RBFOX1: variants seen among roughly 807,000 people sequenced by gnomAD.
The protein encoded by RBFOX1 is RNA binding fox-1 homolog 1, also known as RNA binding protein fox-1 homolog 1.
RBFOX1 carries 8 observed loss-of-function variants against 57.7 expected under a neutral mutation model. The observed-to-expected ratio is 0.14, with a 90% CI of 0.08 to 0.25. The LOEUF (loss-of-function observed/expected upper bound fraction) is 0.25, where lower values mean the gene tolerates loss of function less well. Among genes scored for constraint, RBFOX1 ranks in the 10% least tolerant of loss-of-function variants. The pLI is 1.00. For missense variants in RBFOX1, 611 were observed against 548.5 expected, an observed-to-expected ratio of 1.11 and a Z score of -1.14; for synonymous variants, 326 against 222.4, an observed-to-expected ratio of 1.47 and a Z score of -4.15.
intron 14 of RBFOX1, among the ~76,000 whole-genome samples, chr16:7,684,636 C>T (rs1433840666): frequency 1.3e-5 from 2 of 149,080 alleles, no homozygotes; most frequent in Admixed American, 1.3e-4. Context: ...AAAAAAAAAA[C>T]ATGATTGTTA....
At chr16:5,551,711 T>C (rs533653507) in intron 2 of RBFOX1, among the ~76,000 whole-genome samples, 136 of 152,202 alleles carry the variant, frequency 8.9e-4, no homozygotes, top group African/African-American at 3.2e-3. Context: ...CCATGGTAGT[T>C]TGCCGCACCT....
intron 1 of RBFOX1, among the ~76,000 whole-genome samples, chr16:5,324,737 A>G (rs549212131): frequency 6.6e-6 from 1 of 152,336 alleles, no homozygotes; most frequent in Non-Finnish European, 1.5e-5. Context: ...GTTCTCACTT[A>G]TAAGTGGGAG....
intron 2 of RBFOX1, among the ~76,000 whole-genome samples, chr16:6,375,449 A>G (rs1050868780): frequency 6.6e-6 from 1 of 152,114 alleles, no homozygotes; most frequent in Non-Finnish European, 1.5e-5. Context: ...ATGAAGCCAA[A>G]AGAAGAAAAC....
chr16:6,843,606 A>G (rs548875278), intron 3 of RBFOX1, among the ~76,000 whole-genome samples: 215 of 152,244 alleles, frequency 1.4e-3, no homozygotes, highest in South Asian at 1.0e-3. Context: ...GGAGAATGGC[A>G]TGAACCCAGG....
intron 3 of RBFOX1, among the ~76,000 whole-genome samples, chr16:6,816,472 T>G (rs1029556208): frequency 4.2e-4 from 63 of 149,232 alleles, no homozygotes; most frequent in Non-Finnish European, 8.4e-4. Context: ...CCGGGTGTGG[T>G]GGCTTATGCC....
chr16:5,342,778 T>A (rs2065059294), intron 1 of RBFOX1, among the ~76,000 whole-genome samples: 1 of 152,186 alleles, frequency 6.6e-6, no homozygotes, highest in Non-Finnish European at 1.5e-5. Context: ...AAGATTGGTA[T>A]TGCAACATGT....
At chr16:5,957,263 G>A (rs984581010) in intron 4 of RBFOX1, among the ~76,000 whole-genome samples, 1 of 152,004 alleles carries the variant, frequency 6.6e-6, no homozygotes, top group African/African-American at 2.4e-5. Context: ...TGCCCAGGCT[G>A]GAGTGCAGTG....
chr16:7,544,352 T>A (rs2083819765), intron 5 of RBFOX1, among the ~76,000 whole-genome samples: 1 of 152,230 alleles, frequency 6.6e-6, no homozygotes, highest in African/African-American at 2.4e-5. Flanking sequence ...AGTGAATTAG[T>A]GTCCCCCCAA....
chr16:6,100,616 A>G (rs533779690), intron 1 of RBFOX1, among the ~76,000 whole-genome samples: 2 of 152,186 alleles, frequency 1.3e-5, no homozygotes, highest in African/African-American at 2.4e-5. Flanking sequence ...ATAATAACGA[A>G]TATTTATTGA....
chr16:6,551,078 C>G (rs761123033), intron 2 of RBFOX1, among the ~76,000 whole-genome samples: 1 of 152,124 alleles, frequency 6.6e-6, no homozygotes, highest in African/African-American at 2.4e-5. Flanking sequence ...CTCCTGGACC[C>G]ATTTTATGTG....
chr16:5,956,963 C>A (rs1350724263), intron 4 of RBFOX1, among the ~76,000 whole-genome samples: 2 of 151,880 alleles, frequency 1.3e-5, no homozygotes, highest in East Asian at 1.9e-4. Flanking sequence ...AGCCACTGCG[C>A]CCAGCCTGCA....
intron 2 of RBFOX1, among the ~76,000 whole-genome samples, chr16:6,366,347 T>C (rs1276353767): frequency 2.0e-5 from 3 of 152,152 alleles, no homozygotes; most frequent in Non-Finnish European, 4.4e-5. Context: ...CATTCCTATT[T>C]TATACATTTA....
chr16:6,546,271 G>T (rs1047708950), intron 2 of RBFOX1, among the ~76,000 whole-genome samples: 5 of 152,110 alleles, frequency 3.3e-5, no homozygotes, highest in Admixed American at 6.5e-5. Context: ...GTCAGACTTT[G>T]TCCCAAGTGC....
intron 12 of RBFOX1, among the ~76,000 whole-genome samples, chr16:7,658,649 C>G (rs1009433758): frequency 6.6e-6 from 1 of 152,116 alleles, no homozygotes; most frequent in African/African-American, 2.4e-5. Context: ...TCCCCTCCCT[C>G]AAAGAGGAAC....
In RBFOX1 at chr16:7,069,259, C is replaced by T. The variant is rs144891604; in HGVS notation, c.27+17161C>T. 1.2e-3 allele frequency among the ~76,000 whole-genome samples: 188 copies of T among 152,248 alleles called. 1 individual carries two copies. The highest frequency in any genetic ancestry group is 4.2e-3 in the African/African-American group (173 of 41,546). On this transcript the variant is annotated intron_variant, in intron 4 of 15. Transcript: ENST00000550418. ...TGTGCAGGTTTGTTACATAGGTAAACATGTGCCATGGTGTTTTGCTGCACC... is the reference window on the plus strand; with the variant it reads ...TGTGCAGGTTTGTTACATAGGTAAATATGTGCCATGGTGTTTTGCTGCACC...
intron 3 of RBFOX1, among the ~76,000 whole-genome samples, chr16:6,798,165 G>A (rs2084528733): frequency 6.6e-6 from 1 of 152,174 alleles, no homozygotes; most frequent in Middle Eastern, 3.4e-3. Context: ...ATGAAAGCAG[G>A]GCGTTTCTAG....
At chr16:7,083,178 C>G (rs568599277) in intron 4 of RBFOX1, among the ~76,000 whole-genome samples, 2 of 152,176 alleles carry the variant, frequency 1.3e-5, no homozygotes, top group Admixed American at 6.5e-5. Flanking sequence ...GCTGACACCC[C>G]CCGAGGGGAC....
chr16:7,498,309 T>C (rs1406018708), intron 4 of RBFOX1, among the ~76,000 whole-genome samples: 6 of 152,112 alleles, frequency 3.9e-5, no homozygotes, highest in Non-Finnish European at 8.8e-5. Flanking sequence ...CTAAGTTCAA[T>C]CTTAGCTCTA....
At chr16:7,534,339 C>T (rs111995399) in intron 5 of RBFOX1, among the ~76,000 whole-genome samples, 6,291 of 151,886 alleles carry the variant, frequency 0.041, 196 homozygotes, top group East Asian at 0.12. Context: ...GTGATCCGCC[C>T]GTCTCAGCCT....
Sources: allele counts gnomAD v4.1 joint callset (sites outside exome capture counted in the v4.1 genomes callset), GRCh38; gene constraint gnomAD v4.1.1; transcripts MANE v1.5; gene names NCBI Gene and HGNC (gene_info 2026-07-23, HGNC 2026-07-21).